The following GRAMD2B variants were observed in gnomAD, a reference collection of about 807,000 sequenced individuals.
GRAMD2B encodes the protein GRAM domain-containing protein 2B.
A neutral mutation model predicts 59.2 loss-of-function variants in GRAMD2B; 41 were observed. The ratio of observed to expected loss-of-function variants is 0.69; its 90% CI spans 0.54 to 0.90. GRAMD2B has a LOEUF of 0.90. GRAMD2B is among the 40% of genes least tolerant of loss of function. GRAMD2B has a pLI of 0.00. For missense variants in GRAMD2B, 424 were observed against 500.5 expected (o/e 0.85, Z 1.46); for synonymous variants, 161 against 182.7 (o/e 0.88, Z 0.96).
intron 1 of GRAMD2B, among the ~76,000 whole-genome samples, chr5:126,443,903 T>C (rs1045286112): frequency 6.6e-6 from 1 of 151,644 alleles, no homozygotes; most frequent in African/African-American, 2.4e-5. Flanking sequence ...ATACCAAAAA[T>C]TAGCTGGACG....
Position 126,465,479 on chromosome 5 carries a change from C to G in GRAMD2B, c.137C>G (p.Thr46Arg), listed in dbSNP as rs557678712. ...EEKKKACRSP[T>R]AQSPTPSVEA... Reference sequence around the variant, plus strand: ...AAAAAGAAAGCCTGCAGGTCGCCAACAGCCCAATCCCCTACCCCATCTGTG... The same window carrying G: ...AAAAAGAAAGCCTGCAGGTCGCCAAGAGCCCAATCCCCTACCCCATCTGTG... The change falls in exon 2 of 14, where the codon ACA becomes AGA. Residue 46 changes from threonine (T) to arginine (R), a missense_variant. Thr to Arg is a moderately conservative substitution (Grantham distance 71, BLOSUM62 -1). Transcript: ENST00000285689. 51 of 1,614,184 alleles carry G rather than the reference C, an allele frequency of 3.2e-5. No homozygotes were observed. The Middle Eastern group carries it at 8.2e-4, about 26-fold the overall frequency.
chr5:126,371,713 C>A, intron 1 of GRAMD2B: 2 of 601,932 alleles, frequency 3.3e-6, no homozygotes, highest in Non-Finnish European at 4.7e-6. Flanking sequence ...GCATCCTGAC[C>A]AGTGGATTCG....
intron 1 of GRAMD2B, among the ~76,000 whole-genome samples, chr5:126,410,871 G>A (rs1337419538): frequency 1.3e-5 from 2 of 151,946 alleles, no homozygotes; most frequent in African/African-American, 4.8e-5. Context: ...CAGTGATGTG[G>A]AACGTTTTTC....
intron 1 of GRAMD2B, chr5:126,462,362 A>G (rs1554085548): frequency 5.2e-6 from 5 of 967,582 alleles, no homozygotes; most frequent in Non-Finnish European, 6.1e-6. Context: ...TTCCCCTCCC[A>G]CGCTGCTCAC....
At chr5:126,448,573 T>C (rs1019557663) in intron 1 of GRAMD2B, among the ~76,000 whole-genome samples, 1 of 151,972 alleles carries the variant, frequency 6.6e-6, no homozygotes, top group Non-Finnish European at 1.5e-5. Flanking sequence ...ATCTTCCATA[T>C]AGATGGAAGG....
rs747957156 is a variant in GRAMD2B at position 126,472,245 on chromosome 5, C to T, written c.323C>T (p.Ala108Val). 5.3e-5 allele frequency: 86 copies of T among 1,612,718 alleles called. No individual in the cohort carries two copies. Among genetic ancestry groups the T allele is most frequent in the Non-Finnish European group, 6.4e-5 (76 of 1,178,718 alleles). Residue 108 changes from alanine (A) to valine (V), a missense_variant, in exon 4 of 14, where the codon GCC (alanine) becomes GTC (valine). Coordinates refer to ENST00000285689, the MANE Select transcript of GRAMD2B (RefSeq NM_023927.4). ...ATTTTGTTCTCATTGTAGTACAAGG[C>T]CAATATGCACTTTCACAAGTTGTTT... is the stretch of plus-strand genomic sequence containing the variant. The part of the protein sequence containing the change: ...KKSSSSSQYK[A>V]NMHFHKLFLS...
chr5:126,381,942 T>C (rs1755695922), intron 1 of GRAMD2B, among the ~76,000 whole-genome samples: 1 of 152,190 alleles, frequency 6.6e-6, no homozygotes, highest in South Asian at 2.1e-4. Flanking sequence ...TATCTTTCCT[T>C]CATTTATGAA....
In GRAMD2B at chr5:126,476,056, C is replaced by T. The variant is rs376869906; in HGVS notation, c.487-1636C>T. 1.1e-4 allele frequency among the ~76,000 whole-genome samples: 16 copies of T among 152,200 alleles called. No individual in the cohort carries two copies. In the East Asian group the frequency reaches 2.5e-3, roughly 24 times the overall value. Reference sequence around the variant, plus strand: ...CCAGTGGGTGGAGGTTGCGGTGAGCCGAGATCGTGCCACTGCACTCCAGCC... The same window carrying T: ...CCAGTGGGTGGAGGTTGCGGTGAGCTGAGATCGTGCCACTGCACTCCAGCC... On this transcript the variant is annotated intron_variant, in intron 5 of 13. Transcript: ENST00000285689.
At chr5:126,442,561 G>C (rs908837515) in intron 1 of GRAMD2B, among the ~76,000 whole-genome samples, 8 of 152,108 alleles carry the variant, frequency 5.3e-5, no homozygotes, top group African/African-American at 1.9e-4. Context: ...CAAAGTGCTG[G>C]GATTACAGGC....
Position 126,469,802 on chromosome 5 carries a change from G to A in GRAMD2B, c.315+14G>A, listed in dbSNP as rs1769204164. Reference sequence around the variant, plus strand: ...TCTTCCAGCCAGGTAATTTGAGAATGGAATTTGTATTGTCTTAGAGGGTGA... The same window carrying A: ...TCTTCCAGCCAGGTAATTTGAGAATAGAATTTGTATTGTCTTAGAGGGTGA... On this transcript the variant is annotated intron_variant, in intron 3 of 13. Transcript: ENST00000285689. 2 of 1,582,542 alleles carry A rather than the reference G, an allele frequency of 1.3e-6. No individual in the cohort carries two copies. The highest frequency in any genetic ancestry group is 1.7e-6 in the Non-Finnish European group (2 of 1,152,292).
chr5:126,446,852 G>A (rs1764343143), intron 1 of GRAMD2B, among the ~76,000 whole-genome samples: 1 of 152,020 alleles, frequency 6.6e-6, no homozygotes, highest in Admixed American at 6.5e-5. Flanking sequence ...TTCTTCTCCT[G>A]GAAACTTCTC....
intron 13 of GRAMD2B, among the ~76,000 whole-genome samples, chr5:126,491,721 C>CT (rs959189130): frequency 1.9e-4 from 29 of 149,762 alleles, no homozygotes; most frequent in East Asian, 3.9e-4. Context: ...GCTCTGAATT[C>CT]TTTTTTTTTT....
At chr5:126,459,533 A>G (rs6595708) in intron 1 of GRAMD2B, among the ~76,000 whole-genome samples, 124,979 of 152,222 alleles carry the variant, frequency 0.82, 54,191 homozygotes, top group East Asian at 1. Flanking sequence ...TCAACAACCC[A>G]TTAGATAAAT....
intron 1 of GRAMD2B, among the ~76,000 whole-genome samples, chr5:126,372,170 T>C (rs1754816789): frequency 6.6e-6 from 1 of 152,214 alleles, no homozygotes; most frequent in Admixed American, 6.5e-5. Context: ...TACATATTTT[T>C]CATGAAAATT....
intron 1 of GRAMD2B, among the ~76,000 whole-genome samples, chr5:126,360,678 G>C (rs140689547): frequency 1.3e-3 from 197 of 152,290 alleles, no homozygotes; most frequent in African/African-American, 4.0e-3. Context: ...CCTGATACAA[G>C]TACATTTTGC....
intron 1 of GRAMD2B, among the ~76,000 whole-genome samples, chr5:126,452,648 A>T (rs1765575638): frequency 6.6e-6 from 1 of 152,036 alleles, no homozygotes; most frequent in African/African-American, 2.4e-5. Flanking sequence ...CAGTTCTCAT[A>T]CTACAGACAC....
intron 1 of GRAMD2B, among the ~76,000 whole-genome samples, chr5:126,460,878 A>G (rs1310869567): frequency 6.6e-6 from 1 of 152,244 alleles, no homozygotes; most frequent in Non-Finnish European, 1.5e-5. Context: ...AACATATCCT[A>G]TCTTCAGACA....
chr5:126,441,920 G>A (rs140422431), intron 1 of GRAMD2B, among the ~76,000 whole-genome samples: 155 of 151,978 alleles, frequency 1.0e-3, no homozygotes, highest in Non-Finnish European at 1.6e-3. Flanking sequence ...CTGTTTCCTC[G>A]CGTTAAAAAT....
At chr5:126,438,780 T>C (rs180810391) in intron 1 of GRAMD2B, among the ~76,000 whole-genome samples, 44 of 152,274 alleles carry the variant, frequency 2.9e-4, no homozygotes, top group African/African-American at 1.0e-3. Context: ...ACGATTAGCA[T>C]GATTGGAAAT....
Sources: gnomAD v4.1 joint callset for allele counts (sites outside exome capture counted in the v4.1 genomes callset) on GRCh38, gnomAD v4.1.1 for gene constraint, MANE v1.5 for transcripts, NCBI Gene and HGNC (gene_info 2026-07-23, HGNC 2026-07-21) for gene names.